ARID2: variants seen among roughly 807,000 people sequenced by gnomAD.
The protein encoded by ARID2 is AT-rich interactive domain-containing protein 2.
A neutral mutation model predicts 184.6 loss-of-function variants in ARID2; 32 were observed. The observed-to-expected ratio is 0.17, with a 90% CI of 0.13 to 0.23. The LOEUF is 0.23. ARID2 is among the 10% of genes least tolerant of loss of function. The pLI is 1.00. For synonymous variants in ARID2, 836 were observed against 772.6 expected (o/e 1.08, Z -1.36); for missense variants, 1,696 against 2,197.6 (o/e 0.77, Z 4.56).
chr12:45,801,977 A>T (rs1942511621), intron 3 of ARID2, among the ~76,000 whole-genome samples: 1 of 152,150 alleles, frequency 6.6e-6, no homozygotes, highest in South Asian at 2.1e-4. Context: ...AGCCTACAGA[A>T]ACTTAAGGGA....
At chr12:45,802,390 G>C (rs1423134108) in intron 3 of ARID2, among the ~76,000 whole-genome samples, 6 of 152,016 alleles carry the variant, frequency 3.9e-5, no homozygotes, top group African/African-American at 1.5e-4. Context: ...TGTGACATTT[G>C]CACAGTATTT....
At chr12:45,797,779 ATTCT>A (rs1565599947) in intron 3 of ARID2, among the ~76,000 whole-genome samples, 3 of 151,984 alleles carry the variant, frequency 2.0e-5, no homozygotes, top group South Asian at 2.1e-4. Context: ...TGAAAATGCT[ATTCT>A]TTCTTCACGT....
At position 45,818,016 on chromosome 12, in the gene ARID2, A is replaced by G. The variant is rs1055637108; in HGVS notation, c.637+128A>G. 1.1e-5 allele frequency: 7 copies of G among 634,674 alleles called. No homozygotes were observed. In the African/African-American group the frequency reaches 1.3e-4, roughly 12 times the overall value. The allele number at this position is 634,674 out of a possible 1,614,324, so 39.3% of individuals were successfully genotyped here. A position where few individuals can be genotyped will look rare whatever the true frequency, so the allele number is the denominator to read the frequency against. Reference sequence around the variant, plus strand: ...TTTATTTTCTGTTTTTATATTATGCATTATTTAAGATAATGAATGTTTGGG... The same window carrying G: ...TTTATTTTCTGTTTTTATATTATGCGTTATTTAAGATAATGAATGTTTGGG... On this transcript the variant is annotated intron_variant, in intron 5 of 20. Coordinates refer to ENST00000334344, the MANE Select transcript of ARID2 (RefSeq NM_152641.4).
chr12:45,906,385 A>T lies in ARID2; in HGVS notation c.*1307A>T, dbSNP rs142977655. 1.2e-4 allele frequency: 29 copies of T among 233,186 alleles called. No homozygotes were observed. The highest frequency in any genetic ancestry group is 5.1e-4 in the African/African-American group (23 of 45,438). The allele number at this position is 233,186 out of a possible 1,614,324, so 14.4% of individuals were successfully genotyped here. On this transcript the variant is annotated 3_prime_UTR_variant, in exon 21 of 21. Coordinates refer to ENST00000334344, the MANE Select transcript of ARID2 (RefSeq NM_152641.4). ...TTTATAACTGCCTATTGCCTGTTCT[A>T]TTAGCATCCAAAAATGTGGAAGGCC...
At chr12:45,828,589 G>C (rs1485644277) in intron 6 of ARID2, among the ~76,000 whole-genome samples, 1 of 151,996 alleles carries the variant, frequency 6.6e-6, no homozygotes, top group Non-Finnish European at 1.5e-5. Context: ...CTCAGCAGTA[G>C]TATGTCGGTT....
At chr12:45,870,443 G>T (rs1462172234) in intron 16 of ARID2, among the ~76,000 whole-genome samples, 1 of 152,112 alleles carries the variant, frequency 6.6e-6, no homozygotes, top group Non-Finnish European at 1.5e-5. Flanking sequence ...AGCCAATATT[G>T]ATACACTAGT....
Position 45,849,583 on chromosome 12 carries a change from G to C in ARID2, c.1719G>C (p.Thr573=), listed in dbSNP as rs369889338. ...TGATTATGTATGTACTTTACAGAACGGTCTTTCCAAATCATACAGTGAAGA... is the reference window on the plus strand; with the variant it reads ...TGATTATGTATGTACTTTACAGAACCGTCTTTCCAAATCATACAGTGAAGA... ...TSTGFYKCLR[T]VFPNHTVKRV... The change falls in exon 14 of 21, where the codon ACG becomes ACC. Residue 573 remains threonine, a synonymous_variant. Transcript: ENST00000334344. The C allele has an allele frequency of 2.1e-5, 34 of 1,609,714 alleles. No homozygotes were observed. The South Asian group carries it at 2.5e-4, about 12-fold the overall frequency.
At position 45,780,086 on chromosome 12, in the gene ARID2, A is replaced by G. The variant is rs75708217; in HGVS notation, c.285-31332A>G. ...TAGCAGATTGCCTAGTAGTTGGTAA[A>G]TGCTAACTACATGCTGGTTATAGTT... is the stretch of plus-strand genomic sequence containing the variant. On this transcript the variant is annotated intron_variant, in intron 3 of 20. Coordinates refer to ENST00000334344, the MANE Select transcript of ARID2 (RefSeq NM_152641.4). Among the ~76,000 whole-genome samples the G allele has an allele frequency of 1.2e-4, 18 of 152,344 alleles. No homozygotes were observed. The East Asian group carries it at 3.5e-3, about 29-fold the overall frequency.
At chr12:45,762,877 CTCTT>C (rs376152874) in intron 3 of ARID2, among the ~76,000 whole-genome samples, 2 of 152,170 alleles carry the variant, frequency 1.3e-5, no homozygotes, top group African/African-American at 4.8e-5. Context: ...CAATTTCTGT[CTCTT>C]TCCTCATGCA....
At chr12:45,841,951 G>A (rs1943348728) in intron 11 of ARID2, 1 of 151,808 alleles carries the variant, frequency 6.6e-6, no homozygotes, top group Non-Finnish European at 1.5e-5. Flanking sequence ...ATTCTTTAAA[G>A]CTCTAAATTT....
chr12:45,752,765 G>T (rs896795615), intron 3 of ARID2, among the ~76,000 whole-genome samples: 1 of 152,154 alleles, frequency 6.6e-6, no homozygotes, highest in African/African-American at 2.4e-5. Context: ...CAAAATGCTG[G>T]CATTACAGGC....
intron 3 of ARID2, among the ~76,000 whole-genome samples, chr12:45,740,547 T>A (rs1941231710): frequency 6.6e-6 from 1 of 152,144 alleles, no homozygotes; most frequent in Non-Finnish European, 1.5e-5. Flanking sequence ...TACAGTATAA[T>A]GTCTTTTATT....
chr12:45,822,170 G>A (rs1242826426), intron 6 of ARID2, among the ~76,000 whole-genome samples: 1 of 152,054 alleles, frequency 6.6e-6, no homozygotes, highest in African/African-American at 2.4e-5. Context: ...TGCAACTTCA[G>A]CTAAAATTTC....
intron 3 of ARID2, among the ~76,000 whole-genome samples, chr12:45,735,209 T>A (rs1941084959): frequency 6.6e-6 from 1 of 152,164 alleles, no homozygotes; most frequent in South Asian, 2.1e-4. Context: ...TCATGTGTTC[T>A]CTAGTTAGTG....
chr12:45,896,146 G>A (rs757944878), intron 20 of ARID2, among the ~76,000 whole-genome samples: 4 of 152,186 alleles, frequency 2.6e-5, no homozygotes, highest in Admixed American at 6.5e-5. Flanking sequence ...TGTTTTCATC[G>A]TATAGACAGG....
At chr12:45,787,608 A>C (rs1942219803) in intron 3 of ARID2, among the ~76,000 whole-genome samples, 1 of 152,144 alleles carries the variant, frequency 6.6e-6, no homozygotes, top group Admixed American at 6.5e-5. Context: ...TTGATTAAAA[A>C]ATAGAAAATA....
At chr12:45,823,833 A>C (rs760480785) in intron 6 of ARID2, among the ~76,000 whole-genome samples, 1 of 152,130 alleles carries the variant, frequency 6.6e-6, no homozygotes, top group Admixed American at 6.6e-5. Context: ...CGGATGGCTT[A>C]TGGCTGAATT....
At chr12:45,735,417 TCG>T (rs1491116781) in intron 3 of ARID2, among the ~76,000 whole-genome samples, 4 of 110,278 alleles carry the variant, frequency 3.6e-5, no homozygotes, top group East Asian at 2.6e-4. Flanking sequence ...ATAAACTGTA[TCG>T]TGTGTGTGTG....
chr12:45,849,908 C>T, intron 14 of ARID2, 128 bp from the exon 15 acceptor site: 1 of 1,415,090 alleles, frequency 7.1e-7, no homozygotes, highest in East Asian at 2.5e-5. Context: ...GGTCTATTAC[C>T]ATATTCATAT....
Sources: allele counts gnomAD v4.1 joint callset (sites outside exome capture counted in the v4.1 genomes callset), GRCh38; gene constraint gnomAD v4.1.1; transcripts MANE v1.5; gene names NCBI Gene and HGNC (gene_info 2026-07-23, HGNC 2026-07-21).